ENOX1: variants seen among roughly 807,000 people sequenced by gnomAD.
The protein encoded by ENOX1 is candidate growth-related and time keeping constitutive hydroquinone (NADH) oxidase.
Under a neutral mutation model 82.5 loss-of-function variants are expected in ENOX1, and 42 were observed. That is an observed-to-expected ratio of 0.51 (90% CI 0.40 to 0.66). The LOEUF (loss-of-function observed/expected upper bound fraction) is 0.66. Ranked by LOEUF, ENOX1 falls within the 30% of genes least tolerant of loss-of-function variation. ENOX1 has a pLI of 0.00. For missense variants in ENOX1, 608 were observed against 811.6 expected, an observed-to-expected ratio of 0.75 and a Z score of 3.05; for synonymous variants, 271 against 282.2, an observed-to-expected ratio of 0.96 and a Z score of 0.40.
chr13:43,774,741 C>T (rs577578587), intron 1 of ENOX1, among the ~76,000 whole-genome samples: 1 of 152,312 alleles, frequency 6.6e-6, no homozygotes, highest in African/African-American at 2.4e-5. Context: ...ACTGTGTGCA[C>T]CAGCCCACAA....
At chr13:43,511,079 GT>G (rs1298883947) in intron 2 of ENOX1, among the ~76,000 whole-genome samples, 1 of 152,068 alleles carries the variant, frequency 6.6e-6, no homozygotes, top group East Asian at 1.9e-4. Flanking sequence ...TACATATTTA[GT>G]TCCTTAAAGA....
chr13:43,551,694 G>T (rs1455492250), intron 2 of ENOX1, among the ~76,000 whole-genome samples: 1 of 151,996 alleles, frequency 6.6e-6, no homozygotes, highest in African/African-American at 2.4e-5. Flanking sequence ...AATTTCACCC[G>T]ATCATGATGG....
intron 9 of ENOX1, among the ~76,000 whole-genome samples, chr13:43,340,101 A>G (rs9567153): frequency 0.22 from 33,625 of 152,210 alleles, 4,664 homozygotes; most frequent in East Asian, 0.58. Flanking sequence ...AAGGAGAGGC[A>G]TTTGGATTAA....
At chr13:43,456,130 T>G (rs1422892148) in intron 3 of ENOX1, among the ~76,000 whole-genome samples, 8 of 152,148 alleles carry the variant, frequency 5.3e-5, no homozygotes, top group African/African-American at 1.9e-4. Context: ...TTTTATTTTA[T>G]AGATATAACA....
intron 2 of ENOX1, among the ~76,000 whole-genome samples, chr13:43,651,695 T>TTAAAAAAAAAAAAAAAAAA (rs2084179088): frequency 5.2e-5 from 5 of 96,976 alleles, no homozygotes; most frequent in Admixed American, 2.3e-4. Flanking sequence ...AGACTCTGTC[T>TTAAAAAAAAAAAAAAAAAA]AAAAAAAAAA....
At chr13:43,460,242 AT>A (rs1274143614) in intron 3 of ENOX1, among the ~76,000 whole-genome samples, 1 of 152,180 alleles carries the variant, frequency 6.6e-6, no homozygotes, top group Non-Finnish European at 1.5e-5. Context: ...AACTGCAGAA[AT>A]TCTGTGAGAA....
rs2047880777 is a variant in ENOX1, at chr13:43,322,629, C to T, written c.1144-128G>A. Reference sequence around the variant, plus strand: ...AGCTTTTATCTCCCAAATATAGCCTCACCTAACCTAAAGGAGGTTCTGAGG... The same window carrying T: ...AGCTTTTATCTCCCAAATATAGCCTTACCTAACCTAAAGGAGGTTCTGAGG... On this transcript the variant is annotated intron_variant, in intron 10 of 16. Transcript: ENST00000690772. 1.3e-5 allele frequency: 10 copies of T among 752,448 alleles called. No individual in the cohort carries two copies. In the South Asian group the frequency reaches 1.9e-4, roughly 14 times the overall value. The allele number at this position is 752,448 out of a possible 1,614,324, so 46.6% of individuals were successfully genotyped here.
chr13:43,729,418 A>G (rs1484617711), intron 1 of ENOX1, among the ~76,000 whole-genome samples: 2 of 151,932 alleles, frequency 1.3e-5, no homozygotes, highest in African/African-American at 2.4e-5. Context: ...CACAAGTAGC[A>G]CAGGAAACAC....
intron 12 of ENOX1, 21 bp downstream of exon 12, chr13:43,298,325 A>AT: frequency 6.4e-7 from 1 of 1,572,218 alleles, no homozygotes; most frequent in Non-Finnish European, 8.6e-7. Context: ...CAAAAAAAAA[A>AT]AAAAAATCTG....
rs549683116 is a variant in ENOX1 at position 43,649,456 on chromosome 13, T to C, written c.-219+18023A>G. Among the ~76,000 whole-genome samples, 349 of 152,320 alleles carry C rather than the reference T, an allele frequency of 2.3e-3. 1 individual carries two copies. The highest frequency in any genetic ancestry group is 8.0e-3 in the African/African-American group (334 of 41,568). On this transcript the variant is annotated intron_variant, in intron 2 of 16. Transcript: ENST00000690772. ...AAGCTACTCTAACCATTTCTAGTGT[T>C]GTATATGTTAATATAATGAACTTAC...
intron 2 of ENOX1, among the ~76,000 whole-genome samples, chr13:43,514,330 A>C (rs574503180): frequency 6.6e-6 from 1 of 152,222 alleles, no homozygotes; most frequent in Non-Finnish European, 1.5e-5. Flanking sequence ...ATTATATTTC[A>C]GGAAAGAGTC....
chr13:43,533,657 T>TA (rs909332202), intron 2 of ENOX1, among the ~76,000 whole-genome samples: 4 of 152,164 alleles, frequency 2.6e-5, no homozygotes, highest in African/African-American at 9.7e-5. Flanking sequence ...GTTTAGAAAT[T>TA]AAAAAACATC....
chr13:43,597,803 C>T (rs111289112), intron 2 of ENOX1, among the ~76,000 whole-genome samples: 278 of 152,302 alleles, frequency 1.8e-3, no homozygotes, highest in African/African-American at 6.6e-3. Context: ...CCACTGCTCA[C>T]TTTCTTGCTC....
intron 2 of ENOX1, among the ~76,000 whole-genome samples, chr13:43,512,963 C>T (rs1476866057): frequency 6.6e-6 from 1 of 151,988 alleles, no homozygotes; most frequent in Non-Finnish European, 1.5e-5. Context: ...ATGTGACTGC[C>T]ACCATGGAGT....
At chr13:43,364,449 G>T (rs2050717707) in intron 5 of ENOX1, among the ~76,000 whole-genome samples, 1 of 152,136 alleles carries the variant, frequency 6.6e-6, no homozygotes, top group Admixed American at 6.5e-5. Flanking sequence ...GGCCCTGTCT[G>T]GCTCCTCTCT....
At chr13:43,559,076 A>G (rs978363387) in intron 2 of ENOX1, among the ~76,000 whole-genome samples, 1 of 152,198 alleles carries the variant, frequency 6.6e-6, no homozygotes, top group African/African-American at 2.4e-5. Flanking sequence ...AGACTTTCTC[A>G]GTTCATGGCA....
At chr13:43,754,003 T>C (rs1281861171) in intron 1 of ENOX1, among the ~76,000 whole-genome samples, 1 of 19,448 alleles carries the variant, frequency 5.1e-5, no homozygotes, top group Non-Finnish European at 1.6e-4. Context: ...TGTGTATATA[T>C]ACATATGTAT....
At chr13:43,434,937 G>GTTTTTTTTTTTTT (rs537775258) in intron 3 of ENOX1, among the ~76,000 whole-genome samples, 20 of 75,890 alleles carry the variant, frequency 2.6e-4, no homozygotes, top group East Asian at 1.0e-3. Context: ...TGTGTGTGTG[G>GTTTTTTTTTTTTT]TTTTTTTTTT....
intron 14 of ENOX1, 122 bp downstream of exon 14, chr13:43,265,276 A>G (rs575353812): frequency 1.9e-5 from 14 of 752,640 alleles, no homozygotes; most frequent in Middle Eastern, 4.9e-4. Context: ...CCCATATATT[A>G]ATCTTAAGCT....
Sources: allele counts gnomAD v4.1 joint callset (sites outside exome capture counted in the v4.1 genomes callset), GRCh38; gene constraint gnomAD v4.1.1; transcripts MANE v1.5; gene names NCBI Gene and HGNC (gene_info 2026-07-23, HGNC 2026-07-21).